Variants in C1QTNF3 observed in about 807,000 individuals in gnomAD.
The protein encoded by C1QTNF3 is complement C1q tumor necrosis factor-related protein 3.
A neutral mutation model predicts 32.6 loss-of-function variants in C1QTNF3; 26 were observed. The ratio of observed to expected loss-of-function variants is 0.80; its 90% confidence interval spans 0.58 to 1.11. The LOEUF (loss-of-function observed/expected upper bound fraction) is 1.11, where lower values mean the gene tolerates loss of function less well. Ranked by LOEUF, C1QTNF3 falls within the 50% of genes least tolerant of loss-of-function variation. C1QTNF3 has a pLI of 0.00. For missense variants in C1QTNF3, 362 were observed against 398.2 expected (o/e 0.91, Z 0.77); for synonymous variants, 155 against 146.0 (o/e 1.06, Z -0.44).
At chr5:34,024,029 T>C in intron 4 of C1QTNF3, 21 bp from the exon 5 acceptor site, 1 of 1,591,772 alleles carries the variant, frequency 6.3e-7, no homozygotes. Context: ...CAGGTATATA[T>C]CCATGTTGAT....
At chr5:34,031,243 G>T (rs1208862458) in intron 3 of C1QTNF3, among the ~76,000 whole-genome samples, 1 of 152,164 alleles carries the variant, frequency 6.6e-6, no homozygotes, top group South Asian at 2.1e-4. Context: ...GACCTTCAAA[G>T]AATGTGAAGT....
At chr5:34,218,669 G>A in the C1QTNF3 span, among the ~76,000 whole-genome samples, 6 of 152,046 alleles carry the variant, frequency 3.9e-5, no homozygotes, top group Non-Finnish European at 5.9e-5. Flanking sequence ...GAACAGTTTT[G>A]TACAGTTTAC....
Position 34,042,938 on chromosome 5 carries a change from G to A in C1QTNF3, c.188C>T (p.Pro63Leu). 3 of 1,614,164 alleles carry A rather than the reference G, an allele frequency of 1.9e-6. No individual in the cohort carries two copies. Among genetic ancestry groups the A allele is most frequent in the Non-Finnish European group, 2.5e-6 (3 of 1,180,018 alleles). ...GTTATTATCCACAGTCCCAGTTTTA[G>A]GATGGCTCCGCTCTCTCACTTTCTC... ...RREKVRERSHPKTGTVDNNTS... is the reference protein window; with the variant it reads ...RREKVRERSHLKTGTVDNNTS... Residue 63 changes from proline to leucine, a missense_variant, in exon 1 of 6, where the codon CCT becomes CTT. By Grantham distance (98) the Pro-to-Leu change is moderately conservative. Transcript: ENST00000382065.
the C1QTNF3 span, among the ~76,000 whole-genome samples, chr5:34,115,035 A>G: frequency 1.4e-4 from 22 of 152,156 alleles, no homozygotes; most frequent in Non-Finnish European, 2.8e-4. Flanking sequence ...CACTTTGTTC[A>G]ACTTTTTTTT....
chr5:34,233,576 C>T, the C1QTNF3 span, among the ~76,000 whole-genome samples: 2 of 152,068 alleles, frequency 1.3e-5, no homozygotes, highest in East Asian at 3.9e-4. Context: ...ATTTTAAACC[C>T]ATTTGATTAC....
At chr5:34,158,002 T>C in the C1QTNF3 span, 2 of 152,114 alleles carry the variant, frequency 1.3e-5, no homozygotes, top group African/African-American at 2.4e-5. Context: ...GAATGGACCT[T>C]ACCACCAATA....
chr5:34,206,366 CTTAGT>C, the C1QTNF3 span, among the ~76,000 whole-genome samples: 1 of 152,048 alleles, frequency 6.6e-6, no homozygotes, highest in Non-Finnish European at 1.5e-5. Flanking sequence ...AGTGGTATGT[CTTAGT>C]TTAATTAGCC....
At chr5:34,125,462 G>A in the C1QTNF3 span, among the ~76,000 whole-genome samples, 14 of 152,164 alleles carry the variant, frequency 9.2e-5, no homozygotes, top group African/African-American at 3.4e-4. Flanking sequence ...TCAAAAAATT[G>A]CATCATATTG....
the C1QTNF3 span, among the ~76,000 whole-genome samples, chr5:34,087,411 T>C: frequency 6.6e-6 from 1 of 152,184 alleles, no homozygotes; most frequent in Non-Finnish European, 1.5e-5. Context: ...CCGAATATTT[T>C]ATGTCAAAAA....
chr5:34,079,999 C>T, the C1QTNF3 span, among the ~76,000 whole-genome samples: 2 of 151,644 alleles, frequency 1.3e-5, no homozygotes, highest in Non-Finnish European at 2.9e-5. Context: ...AAGTGCATGG[C>T]ATAGATTGTG....
chr5:34,022,917 G>A (rs1281307958), intron 5 of C1QTNF3, among the ~76,000 whole-genome samples: 3 of 152,082 alleles, frequency 2.0e-5, no homozygotes, highest in Admixed American at 1.3e-4. Context: ...GTGCAGTGGC[G>A]CAATCTCAGC....
chr5:34,116,513 G>A, the C1QTNF3 span, among the ~76,000 whole-genome samples: 3 of 71,332 alleles, frequency 4.2e-5, no homozygotes, highest in Non-Finnish European at 8.3e-5. Flanking sequence ...GTTGTTAAAT[G>A]CTTAAATTTT....
chr5:34,208,019 T>C, the C1QTNF3 span, among the ~76,000 whole-genome samples: 1 of 152,200 alleles, frequency 6.6e-6, no homozygotes, highest in Admixed American at 6.5e-5. Flanking sequence ...CTCAATCACC[T>C]GACCTCGTGA....
chr5:34,160,045 A>G, the C1QTNF3 span, among the ~76,000 whole-genome samples: 3 of 152,232 alleles, frequency 2.0e-5, no homozygotes, highest in African/African-American at 7.2e-5. Context: ...GAGAAAAAAT[A>G]TACAAATGCA....
the C1QTNF3 span, among the ~76,000 whole-genome samples, chr5:34,118,574 G>A: frequency 6.6e-6 from 1 of 150,432 alleles, no homozygotes; most frequent in Non-Finnish European, 1.5e-5. Flanking sequence ...ATTTTTTTTT[G>A]GCTGGTTTTA....
At chr5:34,134,262 C>T in the C1QTNF3 span, among the ~76,000 whole-genome samples, 1 of 152,008 alleles carries the variant, frequency 6.6e-6, no homozygotes, top group Non-Finnish European at 1.5e-5. Context: ...TTCTCTTCTG[C>T]AAGTCATTTC....
At chr5:34,084,045 A>G in the C1QTNF3 span, among the ~76,000 whole-genome samples, 4 of 151,670 alleles carry the variant, frequency 2.6e-5, no homozygotes, top group Non-Finnish European at 5.9e-5. Context: ...TTATCTTTCT[A>G]AAAGTCATGG....
At chr5:34,224,453 C>G in the C1QTNF3 span, among the ~76,000 whole-genome samples, 25 of 151,346 alleles carry the variant, frequency 1.7e-4, no homozygotes, top group South Asian at 1.3e-3. Context: ...CCAAAACAGA[C>G]ATATAGATCA....
the C1QTNF3 span, among the ~76,000 whole-genome samples, chr5:34,081,683 T>A: frequency 6.6e-6 from 1 of 151,598 alleles, no homozygotes. Context: ...CAGGGGAATT[T>A]AACTGCAAGA....
Sources: gnomAD v4.1 joint callset for allele counts (sites outside exome capture counted in the v4.1 genomes callset) on GRCh38, gnomAD v4.1.1 for gene constraint, MANE v1.5 for transcripts, NCBI Gene and HGNC (gene_info 2026-07-23, HGNC 2026-07-21) for gene names.